CLPTM1: variants seen among roughly 807,000 people sequenced by gnomAD.
The protein encoded by CLPTM1 is putative lipid scramblase CLPTM1.
CLPTM1 carries 21 observed loss-of-function variants against 77.3 expected under a neutral mutation model. That is an observed-to-expected ratio of 0.27 (90% CI 0.19 to 0.39). The LOEUF is 0.39. Ranked by LOEUF, CLPTM1 falls within the 10% of genes least tolerant of loss-of-function variation. The probability of loss-of-function intolerance (pLI) is 1.00; values close to 1 mark genes in which losing one functional copy is unlikely to be tolerated. For missense variants in CLPTM1, 642 were observed against 921.2 expected, an observed-to-expected ratio of 0.70 and a Z score of 3.92; for synonymous variants, 373 against 381.0, an observed-to-expected ratio of 0.98 and a Z score of 0.24.
At chr19:44,955,779 T>G in intron 1 of CLPTM1, 5 of 295,294 alleles carry the variant, frequency 1.7e-5, no homozygotes, top group East Asian at 5.4e-5. Flanking sequence ...AACTCCGCGA[T>G]TCCATGCTCT....
chr19:44,956,103 C>T (rs371569408), intron 1 of CLPTM1, among the ~76,000 whole-genome samples: 4 of 152,304 alleles, frequency 2.6e-5, no homozygotes, highest in African/African-American at 9.6e-5. Flanking sequence ...TGCCCCACTG[C>T]TGTCTTAACA....
At chr19:44,975,363 G>T (rs143062101) in intron 4 of CLPTM1, among the ~76,000 whole-genome samples, 1 of 152,340 alleles carries the variant, frequency 6.6e-6, no homozygotes, top group African/African-American at 2.4e-5. Context: ...ACGTGGGGCT[G>T]GGTGCAGAAT....
In CLPTM1 at chr19:44,985,265, C is replaced by T; in HGVS notation, c.634C>T (p.Leu212=). 1 of 1,613,904 alleles carries T rather than the reference C, an allele frequency of 6.2e-7. No homozygotes were observed. ...RRRFQKTKNL[L]TGETEADPEM... is the part of the protein sequence containing the mutation. ...ACGATTTCAGAAAACCAAGAACCTG[C>T]TGACAGGAGAGACAGAAGCGGACCC... The change falls in exon 6 of 14, where the codon CTG becomes TTG. Residue 212 remains leucine, a synonymous_variant. Coordinates refer to ENST00000337392, the MANE Select transcript of CLPTM1 (RefSeq NM_001294.4).
At chr19:44,964,298 C>CTT (rs35539206) in intron 2 of CLPTM1, among the ~76,000 whole-genome samples, 992 of 68,160 alleles carry the variant, frequency 0.015, 148 homozygotes, top group African/African-American at 0.025. Context: ...TCATTTTAAC[C>CTT]TTTTTTTTTT....
At chr19:44,965,065 C>T (rs375863205) in intron 2 of CLPTM1, among the ~76,000 whole-genome samples, 3 of 152,102 alleles carry the variant, frequency 2.0e-5, no homozygotes, top group East Asian at 3.9e-4. Context: ...TTTGTTTACT[C>T]CTCTGCAAAA....
chr19:44,973,890 A>G (rs1970764061), intron 3 of CLPTM1, among the ~76,000 whole-genome samples: 1 of 150,156 alleles, frequency 6.7e-6, no homozygotes, highest in South Asian at 2.1e-4. Flanking sequence ...CAGCCTCACG[A>G]CTAGCTGGGA....
Position 44,992,358 on chromosome 19 carries a change from A to G in CLPTM1, c.1681A>G (p.Ile561Val), listed in dbSNP as rs773106239. The G allele has an allele frequency of 6.2e-7, 1 of 1,614,130 alleles. No homozygotes were observed. Among genetic ancestry groups the G allele is most frequent in the East Asian group, 2.2e-5 (1 of 44,874 alleles). The change falls in exon 13 of 14, where the codon ATC becomes GTC. Residue 561 changes from isoleucine to valine, a missense_variant. Around this residue, in one of 2 missense-constraint regions of CLPTM1, gnomAD observed 521 missense variants for 800.4 expected, o/e 0.65. Coordinates refer to ENST00000337392, the MANE Select transcript of CLPTM1 (RefSeq NM_001294.4). This position sits in a 1 kb window ranked among gnomAD's most constrained non-coding sequence, Gnocchi z 7.7. Reference protein sequence around the residue: ...TFIDDLFAFVIKMPVMYRIGC... With the variant: ...TFIDDLFAFVVKMPVMYRIGC... Reference sequence around the variant, plus strand: ...CATCGACGACCTGTTCGCCTTTGTCATCAAGATGCCCGTTATGTACCGGAT... The same window carrying G: ...CATCGACGACCTGTTCGCCTTTGTCGTCAAGATGCCCGTTATGTACCGGAT...
At chr19:44,975,245 A>G (rs1339511602) in intron 4 of CLPTM1, among the ~76,000 whole-genome samples, 3 of 152,174 alleles carry the variant, frequency 2.0e-5, no homozygotes, top group African/African-American at 7.2e-5. Context: ...GGGCTTCCCC[A>G]TCCCAGCCCA....
chr19:44,983,001 C>T (rs1600038661), intron 5 of CLPTM1, among the ~76,000 whole-genome samples: 1 of 149,984 alleles, frequency 6.7e-6, no homozygotes. Flanking sequence ...GCAGAGGTTA[C>T]AGTGAGCTGA....
intron 2 of CLPTM1, among the ~76,000 whole-genome samples, chr19:44,963,389 A>G (rs1970576105): frequency 1.4e-5 from 2 of 147,300 alleles, no homozygotes; most frequent in Admixed American, 1.4e-4. Context: ...GCAGTGGCAC[A>G]ATCTTGGCTC....
chr19:44,978,398 C>T (rs909650767), intron 5 of CLPTM1, among the ~76,000 whole-genome samples: 13 of 134,252 alleles, frequency 9.7e-5, no homozygotes, highest in African/African-American at 2.6e-4. Flanking sequence ...AGCAAGACTC[C>T]GTCTCCGTCT....
At chr19:44,978,746 C>T (rs1427007728) in intron 5 of CLPTM1, among the ~76,000 whole-genome samples, 3 of 152,096 alleles carry the variant, frequency 2.0e-5, no homozygotes, top group East Asian at 1.9e-4. Flanking sequence ...AGGGGAGGGT[C>T]CTCATGACCC....
At chr19:44,955,063 G>A, upstream of CLPTM1, 2 of 1,535,758 alleles carry the variant, frequency 1.3e-6, no homozygotes, top group South Asian at 1.2e-5. Context: ...AGGATGTCCC[G>A]AAAGGCTCAT....
In CLPTM1 at chr19:44,964,435, T is replaced by G. The variant is rs538591338; in HGVS notation, c.185+2360T>G. On this transcript the variant is annotated intron_variant, in intron 2 of 13. Transcript: ENST00000337392. The stretch of plus-strand genomic sequence containing the variant: ...AAGCGATTCTCCTGCCTCAGCCACC[T>G]GAGTAGCTGGGACTACAGGCACCTG... Among the ~76,000 whole-genome samples the G allele has an allele frequency of 2.4e-3, 360 of 147,900 alleles. 2 individuals carry two copies. Among genetic ancestry groups the G allele is most frequent in the Admixed American group, 5.3e-3 (78 of 14,588 alleles).
At chr19:44,982,346 CAAA>C (rs200485766) in intron 5 of CLPTM1, among the ~76,000 whole-genome samples, 8 of 132,832 alleles carry the variant, frequency 6.0e-5, no homozygotes, top group Admixed American at 7.5e-5. Context: ...GAGACTATGT[CAAA>C]AAAAAAAAAA....
intron 5 of CLPTM1, among the ~76,000 whole-genome samples, chr19:44,978,712 C>T (rs1027712045): frequency 6.6e-5 from 10 of 152,196 alleles, no homozygotes; most frequent in Non-Finnish European, 1.3e-4. Context: ...ACCACTAATC[C>T]ATGAATGGGT....
chr19:44,968,468 C>G (rs1970668669), intron 2 of CLPTM1, among the ~76,000 whole-genome samples: 1 of 152,052 alleles, frequency 6.6e-6, no homozygotes, highest in South Asian at 2.1e-4. Context: ...TGTAGAATAC[C>G]TATTTGGGTG....
At chr19:44,976,011 C>T (rs1023447919) in intron 4 of CLPTM1, among the ~76,000 whole-genome samples, 1 of 152,140 alleles carries the variant, frequency 6.6e-6, no homozygotes, top group South Asian at 2.1e-4. Flanking sequence ...AACAGGCATG[C>T]ACCACCATGC....
In CLPTM1 at chr19:44,992,339, C is replaced by T. The variant is rs201261254; in HGVS notation, c.1662C>T (p.Asp554=). 53 of 1,614,148 alleles carry T rather than the reference C, an allele frequency of 3.3e-5. No homozygotes were observed. In the East Asian group the frequency reaches 9.6e-4, roughly 29 times the overall value. ...ACAAGGCCCTCAACACATTCATCGA[C>T]GACCTGTTCGCCTTTGTCATCAAGA... ...LTYKALNTFI[D]DLFAFVIKMP... Residue 554 remains aspartate (D), a synonymous_variant, in exon 13 of 14, where the codon GAC becomes GAT. Transcript: ENST00000337392. The surrounding 1 kb of genome is among the most constrained non-coding windows in gnomAD (Gnocchi z 7.7).
Sources: allele counts gnomAD v4.1 joint callset (sites outside exome capture counted in the v4.1 genomes callset), GRCh38; gene constraint gnomAD v4.1.1; regional missense constraint gnomAD v4.1.1; non-coding constraint Gnocchi (gnomAD v3.1); transcripts MANE v1.5; gene names NCBI Gene and HGNC (gene_info 2026-07-23, HGNC 2026-07-21).